Variants in ACIN1 observed in about 807,000 individuals in gnomAD.
The protein encoded by ACIN1 is apoptotic chromatin condensation inducer 1.
A neutral mutation model predicts 146.6 loss-of-function variants in ACIN1; 16 were observed. The observed-to-expected ratio is 0.11, with a 90% confidence interval of 0.07 to 0.17. The LOEUF (loss-of-function observed/expected upper bound fraction) is 0.17. Ranked by LOEUF, ACIN1 falls within the 10% of genes least tolerant of loss-of-function variation. ACIN1 has a pLI of 1.00. For missense variants in ACIN1, 1,357 were observed against 1,609.3 expected (o/e 0.84, Z 2.68); for synonymous variants, 569 against 582.7 (o/e 0.98, Z 0.34).
At chr14:23,082,235 G>C (rs575483933) in intron 4 of ACIN1, among the ~76,000 whole-genome samples, 14 of 151,928 alleles carry the variant, frequency 9.2e-5, no homozygotes, top group African/African-American at 3.1e-4. Flanking sequence ...CCATTTTTTT[G>C]GATTGCCTAT....
intron 4 of ACIN1, among the ~76,000 whole-genome samples, chr14:23,089,523 G>C (rs1191757382): frequency 1.3e-5 from 2 of 152,208 alleles, no homozygotes; most frequent in African/African-American, 2.4e-5. Context: ...ACTAGACTAA[G>C]TTTCTTGGGG....
intron 10 of ACIN1, among the ~76,000 whole-genome samples, 184 bp downstream of exon 10, chr14:23,065,782 T>C (rs561662961): frequency 8.2e-4 from 125 of 152,300 alleles, no homozygotes; most frequent in Non-Finnish European, 1.5e-3. Flanking sequence ...TGATGGGGAT[T>C]GTCTCAAGTT....
At chr14:23,081,608 C>T (rs1181257207) in intron 5 of ACIN1, 140 bp downstream of exon 5, 8 of 684,612 alleles carry the variant, frequency 1.2e-5, no homozygotes, top group Admixed American at 3.1e-5. Context: ...CCAGCCTAGG[C>T]GACAGAGCCA....
chr14:23,087,630 T>C (rs886186844), intron 4 of ACIN1, among the ~76,000 whole-genome samples: 3 of 152,038 alleles, frequency 2.0e-5, no homozygotes, highest in African/African-American at 7.2e-5. Flanking sequence ...TGACAGCCTC[T>C]CTTTTTAAAG....
intron 8 of ACIN1, among the ~76,000 whole-genome samples, chr14:23,073,104 C>T (rs1566743285): frequency 1.3e-5 from 2 of 152,226 alleles, no homozygotes; most frequent in Admixed American, 1.3e-4. Flanking sequence ...TGAGTTTCCT[C>T]AAAAGAGTAG....
At chr14:23,092,982 G>A (rs1224088127) in intron 2 of ACIN1, among the ~76,000 whole-genome samples, 1 of 152,150 alleles carries the variant, frequency 6.6e-6, no homozygotes, top group African/African-American at 2.4e-5. Flanking sequence ...TAAGTAAAGA[G>A]GTATTAGTAA....
At chr14:23,094,104 CCACACAAACACACA>C (rs11268188) in intron 1 of ACIN1, among the ~76,000 whole-genome samples, 4,192 of 150,856 alleles carry the variant, frequency 0.028, 68 homozygotes, top group East Asian at 0.084. Flanking sequence ...CCTAGTCTAT[CCACACAAACACACA>C]CACACAAACA....
Position 23,059,098 on chromosome 14 carries a change from A to C in ACIN1, c.*50T>G. 6.3e-7 allele frequency: 1 copy of C among 1,576,430 alleles called. No homozygotes were observed. The highest frequency in any genetic ancestry group is 8.7e-7 in the Non-Finnish European group (1 of 1,154,740). ...ACTGTGCCTATCCCTCTGTGGCCATAACCCCCTGGGGCCGAGTGGCTGGTA... is the reference window on the plus strand; with the variant it reads ...ACTGTGCCTATCCCTCTGTGGCCATCACCCCCTGGGGCCGAGTGGCTGGTA... On this transcript the variant is annotated 3_prime_UTR_variant, in exon 19 of 19. Transcript: ENST00000605057.
chr14:23,070,941 T>C (rs1411416608), intron 8 of ACIN1, among the ~76,000 whole-genome samples: 1 of 152,086 alleles, frequency 6.6e-6, no homozygotes, highest in East Asian at 1.9e-4. Context: ...AAAATATCTA[T>C]TTCCCATACA....
intron 2 of ACIN1, among the ~76,000 whole-genome samples, chr14:23,092,272 G>A (rs1461636033): frequency 6.6e-6 from 1 of 152,106 alleles, no homozygotes; most frequent in East Asian, 1.9e-4. Flanking sequence ...CATAGTAAAG[G>A]TTTATTTTCA....
At position 23,059,294 on chromosome 14, in the gene ACIN1, C is replaced by T. The variant is rs1566728364; in HGVS notation, c.3706G>A (p.Glu1236Lys). ...CGGTCCCCCCTGTCCCGCTCCCTTT[C>T]TCTCTCTCTCTCCCTGTCCCTCTCC... ...SRERDRERERERERDRGDRDR... is the reference protein window; with the variant it reads ...SRERDRERERKRERDRGDRDR... The change falls in exon 19 of 19, where the codon GAA (glutamate) becomes AAA (lysine). Residue 1236 changes from glutamate (E) to lysine (K), a missense_variant. Transcript: ENST00000605057. The T allele has an allele frequency of 1.4e-6, 2 of 1,459,980 alleles. No homozygotes were observed. Among genetic ancestry groups the T allele is most frequent in the Non-Finnish European group, 1.9e-6 (2 of 1,043,658 alleles). The allele number at this position is 1,459,980 out of a possible 1,614,324, so 90.4% of individuals were successfully genotyped here.
At chr14:23,069,265 A>C in intron 9 of ACIN1, 1 of 1,248,442 alleles carries the variant, frequency 8.0e-7, no homozygotes, top group Non-Finnish European at 1.0e-6. Context: ...TTCCCCAACA[A>C]GGAAAGGAAA....
Position 23,062,228 on chromosome 14 carries a change from C to G in ACIN1, c.3039G>C (p.Gly1013=), listed in dbSNP as rs541279227. Residue 1013 remains glycine, a synonymous_variant, in exon 16 of 19, where the codon GGG becomes GGC. Transcript: ENST00000605057. Reference sequence around the variant, plus strand: ...TGGGATTGGACTGGGGCCATTTGACCCCGTGCAGAGCTGTGCGGGTGGCAA... The same window carrying G: ...TGGGATTGGACTGGGGCCATTTGACGCCGTGCAGAGCTGTGCGGGTGGCAA... The part of the protein sequence containing the change: ...EAVATRTALH[G]VKWPQSNPKF... The G allele has an allele frequency of 2.5e-6, 4 of 1,614,032 alleles. No individual in the cohort carries two copies. The African/African-American group carries it at 4.0e-5, about 16-fold the overall frequency.
At chr14:23,071,434 C>A in intron 8 of ACIN1, 1 of 1,551,632 alleles carries the variant, frequency 6.4e-7, no homozygotes, top group Non-Finnish European at 8.7e-7. Context: ...CACGGCAAAC[C>A]CCGAGTTCGG....
Position 23,064,262 on chromosome 14 carries a change from GAC to G in ACIN1, c.2443-7_2443-6del, listed in dbSNP as rs752164185. On this transcript the variant is annotated splice_polypyrimidine_tract_variant and splice_region_variant and intron_variant, in intron 11 of 18. Coordinates refer to ENST00000605057, the MANE Select transcript of ACIN1 (RefSeq NM_001386863.1). ...TTTGATGTCGGGGATGAGGCTCTGG[GAC>G]ACAGATACCCCCCACCCCGTTACAC... The G allele has an allele frequency of 1.2e-6, 2 of 1,613,946 alleles. No individual in the cohort carries two copies. Among genetic ancestry groups the G allele is most frequent in the East Asian group, 2.2e-5 (1 of 44,876 alleles).
Position 23,075,684 on chromosome 14 carries a change from G to A in ACIN1, c.2123+2467C>T, listed in dbSNP as rs557410565. Among the ~76,000 whole-genome samples, 3 of 151,170 alleles carry A rather than the reference G, an allele frequency of 2.0e-5. No homozygotes were observed. In the South Asian group the frequency reaches 6.3e-4, roughly 32 times the overall value. On this transcript the variant is annotated intron_variant, in intron 8 of 18. Transcript: ENST00000605057. ...TTGTTGAGACAGACAGAAAAACCAA[G>A]GTTAGGCCATAAATGGTCTTTTCCA...
At chr14:23,071,144 A>C (rs1698894437) in intron 8 of ACIN1, 2 of 1,551,818 alleles carry the variant, frequency 1.3e-6, no homozygotes, top group African/African-American at 1.4e-5. Flanking sequence ...CTTTCTGATA[A>C]CATGATTTTT....
At chr14:23,066,038 A>G in intron 9 of ACIN1, 30 bp from the exon 10 acceptor site, 1 of 1,601,326 alleles carries the variant, frequency 6.2e-7, no homozygotes, top group Non-Finnish European at 8.6e-7. Flanking sequence ...GGGAAAAAAA[A>G]GAGAAAGAGA....
chr14:23,069,637 G>A lies in ACIN1; in HGVS notation c.2124-20C>T. 2 of 1,446,160 alleles carry A rather than the reference G, an allele frequency of 1.4e-6. No individual in the cohort carries two copies. The highest frequency in any genetic ancestry group is 1.2e-5 in the South Asian group (1 of 84,940). The allele number at this position is 1,446,160 out of a possible 1,614,324, so 89.6% of individuals were successfully genotyped here. A position where few individuals can be genotyped will look rare whatever the true frequency, so the allele number is the denominator to read the frequency against. On this transcript the variant is annotated intron_variant, in intron 8 of 18. Transcript: ENST00000605057. Reference sequence around the variant, plus strand: ...TCCTCACTGACAGGAGGGGGGAGTGGTGGTGGGGGGGCGGGCAGAAAAGAA... The same window carrying A: ...TCCTCACTGACAGGAGGGGGGAGTGATGGTGGGGGGGCGGGCAGAAAAGAA...
Sources: gnomAD v4.1 joint callset for allele counts (sites outside exome capture counted in the v4.1 genomes callset) on GRCh38, gnomAD v4.1.1 for gene constraint, MANE v1.5 for transcripts, NCBI Gene and HGNC (gene_info 2026-07-23, HGNC 2026-07-21) for gene names.